ANKRD12: variants seen among roughly 807,000 people sequenced by gnomAD.
ANKRD12 encodes the protein ankyrin repeat domain-containing protein 12.
ANKRD12 carries 85 observed loss-of-function variants against 183.4 expected under a neutral mutation model. That is an observed-to-expected ratio of 0.46 (90% CI 0.39 to 0.56). The LOEUF (loss-of-function observed/expected upper bound fraction) is 0.56, where lower values mean the gene tolerates loss of function less well. Ranked by LOEUF, ANKRD12 falls within the 20% of genes least tolerant of loss-of-function variation. The probability of loss-of-function intolerance (pLI) is 0.00; values close to 1 mark genes in which losing one functional copy is unlikely to be tolerated. For synonymous variants in ANKRD12, 914 were observed against 800.2 expected (o/e 1.14, Z -2.40); for missense variants, 2,405 against 2,357.1 (o/e 1.02, Z -0.42).
intron 10 of ANKRD12, among the ~76,000 whole-genome samples, chr18:9,269,657 C>A (rs1208454816): frequency 1.3e-5 from 2 of 152,114 alleles, no homozygotes; most frequent in African/African-American, 4.8e-5. Context: ...GACCTAAAAC[C>A]ATAAACACCC....
At position 9,221,942 on chromosome 18, in the gene ANKRD12, T is replaced by C. The variant is rs145526317; in HGVS notation, c.886T>C (p.Leu296=). Residue 296 remains leucine (L), a synonymous_variant, in exon 8 of 13, where the codon TTG becomes CTG. Transcript: ENST00000262126. ...AGTGGATGTAGCAGAAACAGAGGAG[T>C]TGGAGTTGCTACTAAAAAGAGAGGT... ...RPVDVAETEE[L]ELLLKREVPL... The C allele has an allele frequency of 2.9e-5, 47 of 1,613,636 alleles. No individual in the cohort carries two copies. In the African/African-American group the frequency reaches 5.7e-4, roughly 20 times the overall value.
Position 9,166,065 on chromosome 18 carries a change from G to A in ANKRD12, c.-51-16317G>A, listed in dbSNP as rs1481321772. Among the ~76,000 whole-genome samples, 14 of 151,874 alleles carry A rather than the reference G, an allele frequency of 9.2e-5. No individual in the cohort carries two copies. The East Asian group carries it at 2.7e-3, about 29-fold the overall frequency. On this transcript the variant is annotated intron_variant, in intron 1 of 12. Coordinates refer to ENST00000262126, the MANE Select transcript of ANKRD12 (RefSeq NM_015208.5). Reference sequence around the variant, plus strand: ...GGACATGAACTCATCATTTTTTATGGCTGCATAGTATTCCATGGTGTATAT... The same window carrying A: ...GGACATGAACTCATCATTTTTTATGACTGCATAGTATTCCATGGTGTATAT...
intron 1 of ANKRD12, among the ~76,000 whole-genome samples, chr18:9,181,871 T>A (rs890828336): frequency 3.3e-5 from 5 of 152,180 alleles, no homozygotes; most frequent in African/African-American, 1.2e-4. Context: ...TAGAAGTATA[T>A]CAGTGAGTAG....
chr18:9,158,071 G>A (rs183640547), intron 1 of ANKRD12, among the ~76,000 whole-genome samples: 75 of 152,246 alleles, frequency 4.9e-4, no homozygotes, highest in African/African-American at 1.4e-3. Context: ...GGATGGAGTC[G>A]TTGCTTAATG....
chr18:9,143,139 C>T (rs768949049), intron 1 of ANKRD12, among the ~76,000 whole-genome samples: 3 of 152,126 alleles, frequency 2.0e-5, no homozygotes, highest in Middle Eastern at 3.2e-3. Flanking sequence ...AGCTTCTGTA[C>T]GCTAGATACT....
At chr18:9,137,654 G>A (rs549864616) in intron 1 of ANKRD12, 3 of 152,282 alleles carry the variant, frequency 2.0e-5, no homozygotes, top group African/African-American at 7.2e-5. Context: ...AGTAGTGTCC[G>A]GGGAAAGAGC....
chr18:9,260,390 A>G (rs2038895127), intron 9 of ANKRD12: 1 of 152,216 alleles, frequency 6.6e-6, no homozygotes, highest in African/African-American at 2.4e-5. Context: ...GTGGTAAAAC[A>G]TACCCAGAGT....
At chr18:9,232,280 C>G (rs1327355979) in intron 8 of ANKRD12, among the ~76,000 whole-genome samples, 2 of 152,178 alleles carry the variant, frequency 1.3e-5, no homozygotes, top group Non-Finnish European at 2.9e-5. Flanking sequence ...AGGTTTAGGA[C>G]TCCCTTGAGC....
chr18:9,256,390 C>T lies in ANKRD12; in HGVS notation c.3123C>T (p.Ser1041=). The change falls in exon 9 of 13, where the codon AGC becomes AGT. Residue 1041 remains serine (S), a synonymous_variant. Transcript: ENST00000262126. ...DKHKDKIQIN[S]LLKLKSEADK... ...ATAAAGATAAAATTCAAATAAATAG[C>T]TTACTCAAACTAAAATCTGAAGCAG... The T allele has an allele frequency of 6.2e-7, 1 of 1,608,848 alleles. No individual in the cohort carries two copies. Among genetic ancestry groups the T allele is most frequent in the Non-Finnish European group, 8.5e-7 (1 of 1,178,376 alleles).
In ANKRD12 at chr18:9,175,100, G is replaced by A. The variant is rs139409306; in HGVS notation, c.-51-7282G>A. Among the ~76,000 whole-genome samples the A allele has an allele frequency of 2.4e-3, 362 of 152,032 alleles. 8 individuals are homozygous for A. Among genetic ancestry groups the A allele is most frequent in the African/African-American group, 8.2e-3 (338 of 41,434 alleles). ...CTCCAGAGTAGCTGGGAATACAGGC[G>A]TGCGTCACCACTCCTGCCTAATTTT... On this transcript the variant is annotated intron_variant, in intron 1 of 12. Transcript: ENST00000262126.
intron 8 of ANKRD12, among the ~76,000 whole-genome samples, chr18:9,236,608 A>T (rs2037361741): frequency 6.6e-6 from 1 of 152,228 alleles, no homozygotes. Context: ...ATCATGAAAG[A>T]AAAGGTAAAA....
chr18:9,268,746 A>G (rs1365993388), intron 10 of ANKRD12, among the ~76,000 whole-genome samples: 1 of 152,210 alleles, frequency 6.6e-6, no homozygotes, highest in Non-Finnish European at 1.5e-5. Flanking sequence ...ACTCCTGTTC[A>G]ACATAGTGTT....
At chr18:9,156,095 G>A (rs1244660572) in intron 1 of ANKRD12, among the ~76,000 whole-genome samples, 16 of 129,264 alleles carry the variant, frequency 1.2e-4, no homozygotes, top group African/African-American at 3.5e-4. Flanking sequence ...TCAAGATCAC[G>A]CCACTGCACT....
In ANKRD12 at chr18:9,146,909, A is replaced by G. The variant is rs578142772; in HGVS notation, c.-52+9944A>G. ...GTAGCAGTTCAAGACTAAAAGGCCTAAACAATTCAGTCCTGGTATAGTCAT... is the reference window on the plus strand; with the variant it reads ...GTAGCAGTTCAAGACTAAAAGGCCTGAACAATTCAGTCCTGGTATAGTCAT... On this transcript the variant is annotated intron_variant, in intron 1 of 12. Transcript: ENST00000262126. 2.0e-5 allele frequency among the ~76,000 whole-genome samples: 3 copies of G among 152,378 alleles called. No individual in the cohort carries two copies. The South Asian group carries it at 6.2e-4, about 32-fold the overall frequency.
intron 6 of ANKRD12, 111 bp downstream of exon 6, chr18:9,211,895 A>T: frequency 1.1e-6 from 1 of 942,756 alleles, no homozygotes; most frequent in Non-Finnish European, 1.6e-6. Flanking sequence ...AAGAGTTCTA[A>T]AAATACTCTT....
intron 1 of ANKRD12, among the ~76,000 whole-genome samples, chr18:9,151,216 A>AT: frequency 6.6e-6 from 1 of 152,118 alleles, no homozygotes; most frequent in East Asian, 1.9e-4. Context: ...TTTTTCCAGT[A>AT]TTTTTTTCAA....
rs1005772676 is a variant in ANKRD12, at chr18:9,208,572, A to C, written c.305-85A>C. On this transcript the variant is annotated intron_variant, in intron 4 of 12. Coordinates refer to ENST00000262126, the MANE Select transcript of ANKRD12 (RefSeq NM_015208.5). ...GTACACATTTCTCATATATATGTACAGCATCTATCAAAAAATTCATCTTAA... is the reference window on the plus strand; with the variant it reads ...GTACACATTTCTCATATATATGTACCGCATCTATCAAAAAATTCATCTTAA... 5.9e-6 allele frequency: 7 copies of C among 1,192,852 alleles called. No individual in the cohort carries two copies. The African/African-American group carries it at 1.1e-4, about 18-fold the overall frequency. 73.9% of individuals were successfully genotyped at this position (1,192,852 alleles called of 1,614,324 possible).
chr18:9,268,343 C>T (rs1307120970), intron 10 of ANKRD12, among the ~76,000 whole-genome samples: 1 of 152,156 alleles, frequency 6.6e-6, no homozygotes, highest in Non-Finnish European at 1.5e-5. Flanking sequence ...GACCAATATC[C>T]CTGATGAACA....
intron 2 of ANKRD12, among the ~76,000 whole-genome samples, chr18:9,189,726 C>A (rs1203908512): frequency 6.6e-6 from 1 of 152,192 alleles, no homozygotes; most frequent in African/African-American, 2.4e-5. Context: ...CACATCTGTT[C>A]ACAGCATGGT....
Sources: allele counts gnomAD v4.1 joint callset (sites outside exome capture counted in the v4.1 genomes callset), GRCh38; gene constraint gnomAD v4.1.1; transcripts MANE v1.5; gene names NCBI Gene and HGNC (gene_info 2026-07-23, HGNC 2026-07-21).